Variants in CNTN5 observed in about 807,000 individuals in gnomAD.
CNTN5 encodes contactin 5, also known as contactin-5.
Under a neutral mutation model 129.1 loss-of-function variants are expected in CNTN5, and 77 were observed. The observed-to-expected ratio is 0.60, with a 90% CI of 0.50 to 0.72. The LOEUF (loss-of-function observed/expected upper bound fraction) is 0.72, where lower values mean the gene tolerates loss of function less well. Ranked by LOEUF, CNTN5 falls within the 30% of genes least tolerant of loss-of-function variation. The pLI, the probability that CNTN5 is intolerant of heterozygous loss-of-function variation, is 0.00. For synonymous variants in CNTN5, 509 were observed against 465.6 expected (o/e 1.09, Z -1.20); for missense variants, 1,478 against 1,328.8 (o/e 1.11, Z -1.75).
intron 10 of CNTN5, among the ~76,000 whole-genome samples, chr11:100,067,935 ACT>A (rs1174029167): frequency 1.3e-5 from 2 of 151,950 alleles, no homozygotes; most frequent in Non-Finnish European, 2.9e-5. Flanking sequence ...TGGAATCAGG[ACT>A]CTAAATTTTT....
intron 3 of CNTN5, among the ~76,000 whole-genome samples, chr11:99,570,777 G>A (rs1044545129): frequency 6.6e-6 from 1 of 152,142 alleles, no homozygotes. Flanking sequence ...GGAATAAAAT[G>A]ATAGTGAGTA....
intron 1 of CNTN5, among the ~76,000 whole-genome samples, chr11:99,301,292 AG>A (rs1247960485): frequency 1.4e-5 from 2 of 147,854 alleles, no homozygotes; most frequent in Non-Finnish European, 3.0e-5. Flanking sequence ...CCCAAAGAGC[AG>A]AGATTGACTG....
chr11:100,337,626 C>G, intron 21 of CNTN5: 2 of 701,384 alleles, frequency 2.9e-6, no homozygotes, highest in Non-Finnish European at 5.4e-6. Context: ...TGCAGAATAA[C>G]GGGAACTAAT....
chr11:100,328,768 GA>G (rs957853517), intron 21 of CNTN5, among the ~76,000 whole-genome samples: 7 of 151,442 alleles, frequency 4.6e-5, no homozygotes, highest in African/African-American at 1.5e-4. Context: ...TTGCAAAAAA[GA>G]AAAAAAAGAA....
intron 1 of CNTN5, among the ~76,000 whole-genome samples, chr11:99,310,328 T>A (rs558540294): frequency 3.7e-4 from 56 of 152,266 alleles, no homozygotes; most frequent in African/African-American, 1.3e-3. Context: ...AAGGAAATGT[T>A]ATGAACTATA....
intron 3 of CNTN5, among the ~76,000 whole-genome samples, chr11:99,778,733 T>G (rs746624727): frequency 3.3e-5 from 5 of 151,884 alleles, no homozygotes; most frequent in Non-Finnish European, 7.4e-5. Context: ...AAAATCAATG[T>G]ATTAATATTA....
intron 3 of CNTN5, among the ~76,000 whole-genome samples, chr11:99,570,171 C>T (rs776920913): frequency 3.2e-4 from 48 of 151,316 alleles, no homozygotes; most frequent in Non-Finnish European, 4.3e-4. Context: ...AAGCTTGGGT[C>T]ATATGCCTCT....
chr11:99,849,765 A>C (rs943273408), intron 6 of CNTN5, among the ~76,000 whole-genome samples: 2 of 152,176 alleles, frequency 1.3e-5, no homozygotes, highest in African/African-American at 2.4e-5. Flanking sequence ...TATCCTCATA[A>C]CCAACATACG....
At chr11:99,183,724 C>G (rs550679799) in intron 1 of CNTN5, among the ~76,000 whole-genome samples, 16 of 152,000 alleles carry the variant, frequency 1.1e-4, no homozygotes, top group Non-Finnish European at 1.8e-4. Flanking sequence ...AATGGCCCAC[C>G]AATATATAGA....
intron 13 of CNTN5, among the ~76,000 whole-genome samples, chr11:100,118,359 A>T (rs1945907009): frequency 6.6e-6 from 1 of 151,886 alleles, no homozygotes; most frequent in Non-Finnish European, 1.5e-5. Flanking sequence ...AATATCAAAA[A>T]AAGATGTGAA....
chr11:100,005,863 A>C (rs1038504787), intron 9 of CNTN5, among the ~76,000 whole-genome samples: 5 of 152,182 alleles, frequency 3.3e-5, no homozygotes, highest in African/African-American at 1.2e-4. Flanking sequence ...GCTATTTTCA[A>C]CTTTACCTGT....
At chr11:99,796,547 A>G (rs1283720205) in intron 3 of CNTN5, among the ~76,000 whole-genome samples, 3 of 152,012 alleles carry the variant, frequency 2.0e-5, no homozygotes, top group Admixed American at 2.0e-4. Flanking sequence ...CATATGAGCT[A>G]TGATACGGGC....
chr11:100,186,813 C>T (rs1948313431), intron 13 of CNTN5, among the ~76,000 whole-genome samples: 1 of 152,030 alleles, frequency 6.6e-6, no homozygotes, highest in African/African-American at 2.4e-5. Context: ...GGAATGAAGA[C>T]AAAGGGGCTG....
intron 8 of CNTN5, among the ~76,000 whole-genome samples, chr11:99,974,918 C>T (rs1449851947): frequency 6.6e-6 from 1 of 152,118 alleles, no homozygotes; most frequent in Non-Finnish European, 1.5e-5. Flanking sequence ...TTTACATCAT[C>T]CACTTGTTTA....
intron 7 of CNTN5, among the ~76,000 whole-genome samples, chr11:99,919,055 G>A (rs1388069400): frequency 1.3e-5 from 2 of 152,066 alleles, no homozygotes; most frequent in Non-Finnish European, 2.9e-5. Flanking sequence ...GCTGCATTAA[G>A]GATAAAAACC....
intron 13 of CNTN5, among the ~76,000 whole-genome samples, chr11:100,170,909 T>C (rs1266378428): frequency 6.6e-6 from 1 of 152,022 alleles, no homozygotes; most frequent in Non-Finnish European, 1.5e-5. Context: ...AAAAAACTTT[T>C]TATTTATGGG....
intron 6 of CNTN5, among the ~76,000 whole-genome samples, chr11:99,893,555 G>A (rs978094579): frequency 6.6e-6 from 1 of 152,134 alleles, no homozygotes; most frequent in Non-Finnish European, 1.5e-5. Context: ...AATACCTAAA[G>A]CACTGCAGTC....
At chr11:100,146,718 A>G (rs988806638) in intron 13 of CNTN5, among the ~76,000 whole-genome samples, 9 of 152,294 alleles carry the variant, frequency 5.9e-5, no homozygotes, top group African/African-American at 2.2e-4. Context: ...GGCATTTTAT[A>G]CACAAGATAA....
chr11:100,172,440 C>T (rs556001297), intron 13 of CNTN5, among the ~76,000 whole-genome samples: 1 of 151,934 alleles, frequency 6.6e-6, no homozygotes, highest in South Asian at 2.1e-4. Flanking sequence ...ACATTTACAA[C>T]AGAATATGCT....
Sources: gnomAD v4.1 joint callset for allele counts (sites outside exome capture counted in the v4.1 genomes callset) on GRCh38, gnomAD v4.1.1 for gene constraint, MANE v1.5 for transcripts, NCBI Gene and HGNC (gene_info 2026-07-23, HGNC 2026-07-21) for gene names.